The following SIGLEC7 variants were observed in gnomAD, a reference collection of about 807,000 sequenced individuals.
SIGLEC7 encodes the protein sialic acid-binding Ig-like lectin 7.
SIGLEC7 carries 33 observed loss-of-function variants against 40.8 expected under a neutral mutation model. That is an observed-to-expected ratio of 0.81 (90% CI 0.61 to 1.08). The LOEUF is 1.08. Ranked by LOEUF, SIGLEC7 falls within the 50% of genes least tolerant of loss-of-function variation. SIGLEC7 has a pLI of 0.00. For missense variants in SIGLEC7, 513 were observed against 576.1 expected (o/e 0.89, Z 1.12); for synonymous variants, 242 against 237.6 (o/e 1.02, Z -0.17).
Position 51,153,414 on chromosome 19 carries a change from C to A in SIGLEC7, c.*169C>A, listed in dbSNP as rs754846612. On this transcript the variant is annotated 3_prime_UTR_variant, in exon 7 of 7. Coordinates refer to ENST00000317643, the MANE Select transcript of SIGLEC7 (RefSeq NM_014385.4). ...TGCCTGATGACCAAACTCTCCCTTT[C>A]CCCATCCAATCGGTCCACACTCCCC... 7.1e-5 allele frequency: 35 copies of A among 489,742 alleles called. No individual in the cohort carries two copies. The highest frequency in any genetic ancestry group is 1.1e-4 in the Non-Finnish European group (31 of 288,314). The allele number at this position is 489,742 out of a possible 1,614,324, so 30.3% of individuals were successfully genotyped here.
rs2092101610 is a variant in SIGLEC7, at chr19:51,145,566, A to G, written c.761-289A>G. 6.6e-6 allele frequency among the ~76,000 whole-genome samples: 1 copy of G among 152,230 alleles called. No homozygotes were observed. Among genetic ancestry groups the G allele is most frequent in the Admixed American group, 6.5e-5 (1 of 15,280 alleles). On this transcript the variant is annotated intron_variant, in intron 3 of 6. Transcript: ENST00000317643. The surrounding 1 kb of genome is among the most constrained non-coding windows in gnomAD (Gnocchi z 4.3). ...TTTTATCCTACGGCACGAACACTGCAATGAATAATGTTGTATCTACTCCCA... is the reference window on the plus strand; with the variant it reads ...TTTTATCCTACGGCACGAACACTGCGATGAATAATGTTGTATCTACTCCCA...
In SIGLEC7 at chr19:51,145,833, ACCT is replaced by A. The variant is rs2092103845; in HGVS notation, c.761-19_761-17del. On this transcript the variant is annotated intron_variant, in intron 3 of 6. Transcript: ENST00000317643. The surrounding 1 kb of genome is among the most constrained non-coding windows in gnomAD (Gnocchi z 4.3). Reference sequence around the variant, plus strand: ...TGTTTCAATCACTTTGTCTCTTTGAACCTCCAACTTTTTCTCTACAGCATCCAC... The same window carrying A: ...TGTTTCAATCACTTTGTCTCTTTGAACCAACTTTTTCTCTACAGCATCCAC... 1.2e-6 allele frequency: 2 copies of A among 1,612,916 alleles called. No individual in the cohort carries two copies. The highest frequency in any genetic ancestry group is 2.7e-5 in the African/African-American group (2 of 74,752).
At chr19:51,144,196 T>C in intron 1 of SIGLEC7, 1 of 772,252 alleles carries the variant, frequency 1.3e-6, no homozygotes, top group South Asian at 1.5e-5. Flanking sequence ...TCTCTGTGAA[T>C]GTGACAGATA....
chr19:51,147,826 G>A (rs531424453), intron 6 of SIGLEC7, among the ~76,000 whole-genome samples: 3 of 152,288 alleles, frequency 2.0e-5, no homozygotes, highest in South Asian at 2.1e-4. Context: ...TATCTGGAAA[G>A]GCCAGATAGG....
rs2092154599 is a variant in SIGLEC7 at position 51,153,062 on chromosome 19, G to A, written c.1222-1G>A. ...TGACTCTCTTCTCTCTCTCCATTCA[G>A]GGTAACCTGACTGAGTCCTGGGCAG... is the stretch of plus-strand genomic sequence containing the variant. On this transcript the variant is annotated splice_acceptor_variant, in intron 6 of 6. Transcript: ENST00000317643. LOFTEE classifies it high-confidence loss of function. The A allele has an allele frequency of 6.4e-7, 1 of 1,557,264 alleles. No individual in the cohort carries two copies. The highest frequency in any genetic ancestry group is 1.3e-5 in the South Asian group (1 of 79,674).
In SIGLEC7 at chr19:51,146,802, C is replaced by A. The variant is rs763920499; in HGVS notation, c.1076C>A (p.Ala359Asp). 6.2e-7 allele frequency: 1 copy of A among 1,614,018 alleles called. No homozygotes were observed. The highest frequency in any genetic ancestry group is 2.2e-5 in the East Asian group (1 of 44,862). Residue 359 changes from alanine to aspartate, a missense_variant, in exon 5 of 7, where the codon GCT becomes GAT. Physicochemically the swap from Ala to Asp is moderately radical, Grantham distance 126. Transcript: ENST00000317643. ...GTGTTGCTGGGGGCGGTCGGGGGAG[C>A]TGGAGCCACAGCCCTGGTCTTCCTC... is the stretch of plus-strand genomic sequence containing the variant. ...SGVLLGAVGG[A>D]GATALVFLSF...
intron 1 of SIGLEC7, 49 bp from the exon 2 acceptor site, chr19:51,144,357 T>C: frequency 6.4e-7 from 1 of 1,558,710 alleles, no homozygotes; most frequent in Non-Finnish European, 8.6e-7. Flanking sequence ...CCCCCAGGGC[T>C]GTACCATGGA....
chr19:51,152,546 CT>C (rs2092150732), intron 6 of SIGLEC7, among the ~76,000 whole-genome samples: 1 of 152,248 alleles, frequency 6.6e-6, no homozygotes. Flanking sequence ...TTCTCTCTCA[CT>C]TAGCCTCTTC....
In SIGLEC7 at chr19:51,153,051, C is replaced by T. The variant is rs757118464; in HGVS notation, c.1222-12C>T. The T allele has an allele frequency of 1.2e-5, 19 of 1,526,888 alleles. No individual in the cohort carries two copies. The East Asian group carries it at 4.1e-4, about 33-fold the overall frequency. The allele number at this position is 1,526,888 out of a possible 1,614,324, so 94.6% of individuals were successfully genotyped here. On this transcript the variant is annotated splice_polypyrimidine_tract_variant and intron_variant, in intron 6 of 6. Transcript: ENST00000317643. ...CTGCTCTGCTCTGACTCTCTTCTCT[C>T]TCTCCATTCAGGGTAACCTGACTGA...
At chr19:51,143,412 A>T (rs1250832801) in intron 1 of SIGLEC7, among the ~76,000 whole-genome samples, 5 of 152,090 alleles carry the variant, frequency 3.3e-5, no homozygotes, top group African/African-American at 1.2e-4. Context: ...AAAAGACAGG[A>T]GGGACCTCCA....
At position 51,153,496 on chromosome 19, in the gene SIGLEC7, T is replaced by C; in HGVS notation, c.*251T>C. On this transcript the variant is annotated 3_prime_UTR_variant, in exon 7 of 7. Coordinates refer to ENST00000317643, the MANE Select transcript of SIGLEC7 (RefSeq NM_014385.4). ...TGTACTTCTCTAAGGATGACTACTT[T>C]AGATTCCGAATATAGTGAGATTGTA... The C allele has an allele frequency of 3.4e-6, 1 of 292,940 alleles. No individual in the cohort carries two copies. Among genetic ancestry groups the C allele is most frequent in the South Asian group, 1.3e-4 (1 of 7,678 alleles). The allele number at this position is 292,940 out of a possible 1,614,324, so 18.1% of individuals were successfully genotyped here. A position where few individuals can be genotyped will look rare whatever the true frequency, so the allele number is the denominator to read the frequency against.
chr19:51,147,352 A>G, intron 6 of SIGLEC7, 35 bp downstream of exon 6: 2 of 1,557,564 alleles, frequency 1.3e-6, no homozygotes, highest in Non-Finnish European at 1.8e-6. Context: ...CCCAGCATCC[A>G]GCTGGGACAT....
rs1228879312 is a variant in SIGLEC7 at position 51,149,438 on chromosome 19, G to C, written c.1221+2121G>C. 7.9e-5 allele frequency among the ~76,000 whole-genome samples: 12 copies of C among 152,072 alleles called. No individual in the cohort carries two copies. The South Asian group carries it at 8.3e-4, about 11-fold the overall frequency. ...CTTTCCCCATTGCTTTTTTTTGTCA[G>C]CTTTGTTGAAGATCAAATTGTTGTA... On this transcript the variant is annotated intron_variant, in intron 6 of 6. Transcript: ENST00000317643.
intron 6 of SIGLEC7, among the ~76,000 whole-genome samples, chr19:51,149,818 T>A (rs1325575198): frequency 1.3e-5 from 2 of 152,206 alleles, no homozygotes; most frequent in Non-Finnish European, 2.9e-5. Flanking sequence ...CACCTTTGAT[T>A]TATTTGAGCA....
rs1260364785 is a variant in SIGLEC7 at position 51,146,824 on chromosome 19, C to T, written c.1098C>T (p.Phe366=). Reference sequence around the variant, plus strand: ...GAGCTGGAGCCACAGCCCTGGTCTTCCTCTCCTTCTGTGTCATCTTCATTG... The same window carrying T: ...GAGCTGGAGCCACAGCCCTGGTCTTTCTCTCCTTCTGTGTCATCTTCATTG... ...VGGAGATALV[F]LSFCVIFIVV... is the part of the protein sequence containing the mutation. The change falls in exon 5 of 7, where the codon TTC becomes TTT. Residue 366 remains phenylalanine, a synonymous_variant. Transcript: ENST00000317643. 6.2e-7 allele frequency: 1 copy of T among 1,614,072 alleles called. No individual in the cohort carries two copies. Among genetic ancestry groups the T allele is most frequent in the Non-Finnish European group, 8.5e-7 (1 of 1,179,968 alleles).
rs545467390 is a variant in SIGLEC7 at position 51,142,811 on chromosome 19, C to G, written c.433+9C>G. On this transcript the variant is annotated intron_variant, in intron 1 of 6. Coordinates refer to ENST00000317643, the MANE Select transcript of SIGLEC7 (RefSeq NM_014385.4). This position sits in a 1 kb window ranked among gnomAD's most constrained non-coding sequence, Gnocchi z 5.0. Reference sequence around the variant, plus strand: ...CTCTGTGAACGTGACAGGTAAGGCACGGGCTCCAAGAGAGGCCAAAGGCAA... The same window carrying G: ...CTCTGTGAACGTGACAGGTAAGGCAGGGGCTCCAAGAGAGGCCAAAGGCAA... The G allele has an allele frequency of 6.3e-7, 1 of 1,578,466 alleles. No homozygotes were observed. The highest frequency in any genetic ancestry group is 8.6e-7 in the Non-Finnish European group (1 of 1,161,226).
At position 51,145,546 on chromosome 19, in the gene SIGLEC7, T is replaced by C. The variant is rs2092101420; in HGVS notation, c.761-309T>C. Among the ~76,000 whole-genome samples the C allele has an allele frequency of 1.3e-5, 2 of 152,344 alleles. No homozygotes were observed. Among genetic ancestry groups the C allele is most frequent in the African/African-American group, 4.8e-5 (2 of 41,574 alleles). Reference sequence around the variant, plus strand: ...ATGGAAGATCATGGCACTAATTTTATCCTACGGCACGAACACTGCAATGAA... The same window carrying C: ...ATGGAAGATCATGGCACTAATTTTACCCTACGGCACGAACACTGCAATGAA... On this transcript the variant is annotated intron_variant, in intron 3 of 6. Coordinates refer to ENST00000317643, the MANE Select transcript of SIGLEC7 (RefSeq NM_014385.4). The surrounding 1 kb of genome is among the most constrained non-coding windows in gnomAD (Gnocchi z 4.3).
rs763852665 is a variant in SIGLEC7, at chr19:51,142,747, G to C, written c.378G>C (p.Glu126Asp). ...SDAGRYFFRM[E>D]KGNIKWNYKY... The stretch of plus-strand genomic sequence containing the variant: ...CGGGGAGATACTTCTTTCGTATGGA[G>C]AAAGGAAATATAAAATGGAATTATA... The change falls in exon 1 of 7, where the codon GAG becomes GAC. Residue 126 changes from glutamate to aspartate, a missense_variant. Transcript: ENST00000317643. The surrounding 1 kb of genome is among the most constrained non-coding windows in gnomAD (Gnocchi z 5.0). 6.2e-7 allele frequency: 1 copy of C among 1,613,058 alleles called. No homozygotes were observed. The highest frequency in any genetic ancestry group is 8.5e-7 in the Non-Finnish European group (1 of 1,179,474).
chr19:51,146,189 T>A lies in SIGLEC7; in HGVS notation c.1027+68T>A, dbSNP rs536591385. ...ACCCTCATGGGCCACCCACTGCCCC[T>A]GAGCTTCAAGGGGGAGCTCAGCTCT... is the stretch of plus-strand genomic sequence containing the variant. On this transcript the variant is annotated intron_variant, in intron 4 of 6. Coordinates refer to ENST00000317643, the MANE Select transcript of SIGLEC7 (RefSeq NM_014385.4). The A allele has an allele frequency of 1.1e-4, 173 of 1,568,046 alleles. 3 individuals carry two copies. The South Asian group carries it at 2.0e-3, about 18-fold the overall frequency.
Sources: allele counts gnomAD v4.1 joint callset (sites outside exome capture counted in the v4.1 genomes callset), GRCh38; gene constraint gnomAD v4.1.1; non-coding constraint Gnocchi (gnomAD v3.1); transcripts MANE v1.5; gene names NCBI Gene and HGNC (gene_info 2026-07-23, HGNC 2026-07-21).